NBAS: variants seen among roughly 807,000 people sequenced by gnomAD.
NBAS encodes the protein NAG/BC035112 fusion.
A neutral mutation model predicts 302.5 loss-of-function variants in NBAS; 219 were observed. That is an observed-to-expected ratio of 0.72 (90% CI 0.65 to 0.81). The LOEUF (loss-of-function observed/expected upper bound fraction) is 0.81. Ranked by LOEUF, NBAS falls within the 30% of genes least tolerant of loss-of-function variation. The probability of loss-of-function intolerance (pLI) is 0.00; values close to 1 mark genes in which losing one functional copy is unlikely to be tolerated. For synonymous variants in NBAS, 1,118 were observed against 1,021.6 expected (o/e 1.09, Z -1.80); for missense variants, 2,932 against 2,841.6 (o/e 1.03, Z -0.72).
the NBAS span, among the ~76,000 whole-genome samples, chr2:15,040,043 C>T: frequency 6.6e-6 from 1 of 152,212 alleles, no homozygotes; most frequent in Non-Finnish European, 1.5e-5. Context: ...GAGAGGAGCA[C>T]TCTGCGAGGA....
At chr2:15,176,861 C>T (rs989306411) in intron 51 of NBAS, among the ~76,000 whole-genome samples, 1 of 152,156 alleles carries the variant, frequency 6.6e-6, no homozygotes, top group Non-Finnish European at 1.5e-5. Context: ...CTTGCTATAT[C>T]ATTTCTTACA....
the NBAS span, among the ~76,000 whole-genome samples, chr2:15,071,962 C>A: frequency 1.3e-5 from 2 of 152,204 alleles, no homozygotes; most frequent in East Asian, 3.8e-4. Context: ...TCCCTGAAGA[C>A]TTCGTGGAGT....
the NBAS span, among the ~76,000 whole-genome samples, chr2:15,102,988 G>GAAGGAAGGAAGC: frequency 1.9e-5 from 1 of 53,288 alleles, no homozygotes; most frequent in African/African-American, 4.2e-5. Context: ...AGGAAGGAAG[G>GAAGGAAGGAAGC]AAGGAAGGAA....
chr2:14,937,255 T>C, the NBAS span, among the ~76,000 whole-genome samples: 64 of 152,304 alleles, frequency 4.2e-4, no homozygotes, highest in African/African-American at 1.3e-3. Flanking sequence ...AAGTACAGAC[T>C]GTTTCTAGGA....
intron 21 of NBAS, among the ~76,000 whole-genome samples, chr2:15,451,828 AG>A (rs1344177948): frequency 7.2e-5 from 11 of 152,200 alleles, no homozygotes; most frequent in African/African-American, 2.7e-4. Context: ...GAAGGGATTC[AG>A]GCAAAAATAG....
chr2:15,508,052 C>T (rs923160678), intron 10 of NBAS, among the ~76,000 whole-genome samples: 1 of 152,156 alleles, frequency 6.6e-6, no homozygotes, highest in Non-Finnish European at 1.5e-5. Context: ...AGGAACTAAT[C>T]CCATAACCTC....
chr2:15,551,782 A>G (rs923639061), intron 5 of NBAS, among the ~76,000 whole-genome samples: 58 of 152,320 alleles, frequency 3.8e-4, no homozygotes, highest in Admixed American at 3.5e-3. Flanking sequence ...ACACAGCCTA[A>G]GTGAATTTAC....
At chr2:15,052,414 C>A in the NBAS span, among the ~76,000 whole-genome samples, 193 of 152,306 alleles carry the variant, frequency 1.3e-3, 1 homozygote, top group African/African-American at 4.0e-3. Context: ...TTTCTGAATA[C>A]CCTTTCCTCA....
chr2:15,273,374 G>A (rs1230696087), intron 44 of NBAS, among the ~76,000 whole-genome samples: 1 of 152,128 alleles, frequency 6.6e-6, no homozygotes, highest in African/African-American at 2.4e-5. Context: ...TGCTCCTACT[G>A]GGCTAAAAAT....
chr2:15,029,834 C>T, the NBAS span, among the ~76,000 whole-genome samples: 1 of 152,120 alleles, frequency 6.6e-6, no homozygotes, highest in African/African-American at 2.4e-5. Flanking sequence ...TGGTGCCCTT[C>T]CCAATGTTAC....
rs539971102 is a variant in NBAS at position 15,202,220 on chromosome 2, C to T, written c.6433-11817G>A. ...ACATATCTAAACACACAGAATCCAACAACTGCAATTCAGAACCATGCTTTA... is the reference window on the plus strand; with the variant it reads ...ACATATCTAAACACACAGAATCCAATAACTGCAATTCAGAACCATGCTTTA... On this transcript the variant is annotated intron_variant, in intron 48 of 51. Transcript: ENST00000281513. Among the ~76,000 whole-genome samples the T allele has an allele frequency of 7.2e-5, 11 of 152,332 alleles. No individual in the cohort carries two copies. The East Asian group carries it at 1.4e-3, about 19-fold the overall frequency.
At chr2:15,379,196 C>CT (rs5829503) in intron 30 of NBAS, among the ~76,000 whole-genome samples, 73,643 of 146,090 alleles carry the variant, frequency 0.5, 21,722 homozygotes, top group Non-Finnish European at 0.67. Flanking sequence ...GTCTCTCTCT[C>CT]TTTTTTTTTT....
the NBAS span, among the ~76,000 whole-genome samples, chr2:15,034,292 GAA>G: frequency 2.1e-5 from 2 of 96,338 alleles, no homozygotes; most frequent in Non-Finnish European, 4.3e-5. Context: ...AAGAAAGAAA[GAA>G]AGAAAGAAAG....
the NBAS span, among the ~76,000 whole-genome samples, chr2:14,829,476 A>C: frequency 6.6e-6 from 1 of 152,142 alleles, no homozygotes; most frequent in Admixed American, 6.5e-5. Flanking sequence ...CACTATTATC[A>C]TTCTTCATCA....
At chr2:14,831,624 C>A in the NBAS span, among the ~76,000 whole-genome samples, 2 of 152,052 alleles carry the variant, frequency 1.3e-5, no homozygotes, top group African/African-American at 4.8e-5. Context: ...GCATGGAGAC[C>A]AAAATCAAGG....
At chr2:15,285,909 C>T (rs1670018958) in intron 42 of NBAS, among the ~76,000 whole-genome samples, 1 of 152,162 alleles carries the variant, frequency 6.6e-6, no homozygotes, top group Non-Finnish European at 1.5e-5. Context: ...CCTATCACAG[C>T]GCGGCCTCCC....
At chr2:14,802,662 G>A in the NBAS span, among the ~76,000 whole-genome samples, 1 of 150,402 alleles carries the variant, frequency 6.6e-6, no homozygotes, top group Admixed American at 6.6e-5. Context: ...ATGATAGACT[G>A]GATTAAGAAA....
chr2:15,077,655 G>T, the NBAS span, among the ~76,000 whole-genome samples: 2 of 151,856 alleles, frequency 1.3e-5, no homozygotes, highest in East Asian at 3.9e-4. Context: ...GGAAACCCAA[G>T]AAGGCTTCTT....
chr2:15,381,526 G>T (rs1234405364), intron 29 of NBAS, among the ~76,000 whole-genome samples: 1 of 152,100 alleles, frequency 6.6e-6, no homozygotes, highest in African/African-American at 2.4e-5. Context: ...TGTTTTGATG[G>T]ATTACTCCAC....
Sources: gnomAD v4.1 joint callset for allele counts (sites outside exome capture counted in the v4.1 genomes callset) on GRCh38, gnomAD v4.1.1 for gene constraint, MANE v1.5 for transcripts, NCBI Gene and HGNC (gene_info 2026-07-23, HGNC 2026-07-21) for gene names.